Variants in MDFIC observed in about 807,000 individuals in gnomAD.
MDFIC encodes the protein myoD family inhibitor domain-containing protein.
A neutral mutation model predicts 23.2 loss-of-function variants in MDFIC; 17 were observed. That is an observed-to-expected ratio of 0.73 (90% CI 0.50 to 1.10). The LOEUF is 1.10. MDFIC is among the 50% of genes least tolerant of loss of function. The pLI, the probability that MDFIC is intolerant of heterozygous loss-of-function variation, is 0.00. For missense variants in MDFIC, 356 were observed against 316.6 expected, an observed-to-expected ratio of 1.12 and a Z score of -0.95; for synonymous variants, 120 against 115.2, an observed-to-expected ratio of 1.04 and a Z score of -0.27.
chr7:114,946,104 A>G (rs1016431902), intron 3 of MDFIC, among the ~76,000 whole-genome samples: 10 of 152,238 alleles, frequency 6.6e-5, no homozygotes, highest in African/African-American at 2.4e-4. Flanking sequence ...CGTAATATGC[A>G]TAAACTGATA....
chr7:114,966,206 T>G (rs892715439), intron 3 of MDFIC, among the ~76,000 whole-genome samples: 27 of 152,172 alleles, frequency 1.8e-4, no homozygotes, highest in Non-Finnish European at 7.3e-5. Flanking sequence ...TTATTTTTTG[T>G]AGCAAAATTA....
intron 4 of MDFIC, among the ~76,000 whole-genome samples, chr7:114,990,007 A>G (rs1452708984): frequency 1.3e-5 from 2 of 152,220 alleles, no homozygotes; most frequent in African/African-American, 4.8e-5. Flanking sequence ...TAAGAAGTAA[A>G]AACAAACATA....
At chr7:114,939,106 A>G (rs1792490817) in intron 2 of MDFIC, among the ~76,000 whole-genome samples, 1 of 152,206 alleles carries the variant, frequency 6.6e-6, no homozygotes, top group Admixed American at 6.5e-5. Flanking sequence ...CCCACCATTT[A>G]TGAGACTGCC....
chr7:114,965,628 A>C (rs925416336), intron 3 of MDFIC, among the ~76,000 whole-genome samples: 1 of 152,272 alleles, frequency 6.6e-6, no homozygotes, highest in Admixed American at 6.5e-5. Flanking sequence ...TGATTCAGTT[A>C]GTGACAGGTG....
intron 2 of MDFIC, among the ~76,000 whole-genome samples, chr7:114,936,618 G>T (rs974946379): frequency 6.6e-6 from 1 of 152,114 alleles, no homozygotes; most frequent in Non-Finnish European, 1.5e-5. Flanking sequence ...TTGTTCCCTT[G>T]TGAAGTAGCA....
At chr7:114,932,283 A>T (rs1792324116) in intron 2 of MDFIC, among the ~76,000 whole-genome samples, 1 of 152,176 alleles carries the variant, frequency 6.6e-6, no homozygotes, top group South Asian at 2.1e-4. Context: ...TTTTGATTGG[A>T]GGGTAAAGAG....
chr7:115,004,819 G>T (rs1791536799), intron 4 of MDFIC, among the ~76,000 whole-genome samples: 1 of 151,958 alleles, frequency 6.6e-6, no homozygotes, highest in African/African-American at 2.4e-5. Context: ...ATGGACCAGA[G>T]TACACAGTTT....
intron 2 of MDFIC, among the ~76,000 whole-genome samples, chr7:114,936,445 C>A (rs1792424954): frequency 6.6e-6 from 1 of 151,998 alleles, no homozygotes; most frequent in Non-Finnish European, 1.5e-5. Context: ...GGAAAAATAT[C>A]CCTCTTCAAT....
rs946946352 is a variant in MDFIC, at chr7:114,979,445, T to C, written c.218-61T>C. Reference sequence around the variant, plus strand: ...TCTCTGTTACTGAATGTATTTTCATTATTTTAAAATATTAATTTCTTTTTC... The same window carrying C: ...TCTCTGTTACTGAATGTATTTTCATCATTTTAAAATATTAATTTCTTTTTC... On this transcript the variant is annotated intron_variant, in intron 3 of 4. Coordinates refer to ENST00000393486, the MANE Select transcript of MDFIC (RefSeq NM_001166345.3). 6.9e-5 allele frequency: 101 copies of C among 1,474,314 alleles called. 1 individual carries two copies. Among genetic ancestry groups the C allele is most frequent in the Middle Eastern group, 2.0e-4 (1 of 5,026 alleles). The allele number at this position is 1,474,314 out of a possible 1,614,324, so 91.3% of individuals were successfully genotyped here. A position where few individuals can be genotyped will look rare whatever the true frequency, so the allele number is the denominator to read the frequency against.
intron 3 of MDFIC, among the ~76,000 whole-genome samples, chr7:114,959,065 A>G (rs557452818): frequency 2.6e-5 from 4 of 152,360 alleles, no homozygotes; most frequent in Admixed American, 2.0e-4. Context: ...TAATGTGCCA[A>G]AAGCACAAAT....
intron 3 of MDFIC, among the ~76,000 whole-genome samples, chr7:114,948,151 C>G (rs962149453): frequency 2.6e-5 from 4 of 152,086 alleles, no homozygotes; most frequent in Admixed American, 2.6e-4. Flanking sequence ...CTTTACCTAC[C>G]TTGCCTCTAT....
intron 4 of MDFIC, among the ~76,000 whole-genome samples, chr7:115,005,245 G>A (rs1476700226): frequency 2.0e-5 from 3 of 152,190 alleles, no homozygotes; most frequent in African/African-American, 4.8e-5. Context: ...CAGAAAGCTG[G>A]TTTTAAGTTT....
intron 3 of MDFIC, among the ~76,000 whole-genome samples, chr7:114,948,621 T>C (rs920353300): frequency 5.3e-5 from 8 of 152,154 alleles, no homozygotes; most frequent in African/African-American, 1.7e-4. Context: ...CTCTTTTCTT[T>C]TTTTCCTCTT....
At chr7:114,997,770 AAAG>A (rs1791366988) in intron 4 of MDFIC, among the ~76,000 whole-genome samples, 1 of 151,364 alleles carries the variant, frequency 6.6e-6, no homozygotes, top group Non-Finnish European at 1.5e-5. Flanking sequence ...AAAAAAAAGA[AAAG>A]AAAAGAAAAG....
At chr7:115,008,375 A>G (rs1791614356) in intron 4 of MDFIC, among the ~76,000 whole-genome samples, 1 of 151,938 alleles carries the variant, frequency 6.6e-6, no homozygotes, top group Admixed American at 6.6e-5. Context: ...CAATTTCCCA[A>G]AGTATGGTGT....
chr7:114,935,248 G>T (rs1397401494), intron 2 of MDFIC, among the ~76,000 whole-genome samples: 1 of 151,964 alleles, frequency 6.6e-6, no homozygotes, highest in Non-Finnish European at 1.5e-5. Context: ...AATACAAATT[G>T]CTTATCACCA....
At chr7:114,985,484 G>A (rs146898445) in intron 4 of MDFIC, among the ~76,000 whole-genome samples, 2 of 151,776 alleles carry the variant, frequency 1.3e-5, no homozygotes, top group Non-Finnish European at 2.9e-5. Context: ...CTCTCTCTCT[G>A]TGTGTGTGTG....
intron 3 of MDFIC, among the ~76,000 whole-genome samples, chr7:114,961,697 AG>A (rs1174563396): frequency 6.6e-6 from 1 of 152,198 alleles, no homozygotes; most frequent in African/African-American, 2.4e-5. Context: ...ACATGGCCAG[AG>A]CATGAGGAAG....
intron 3 of MDFIC, among the ~76,000 whole-genome samples, chr7:114,950,297 C>T (rs1338382863): frequency 2.6e-5 from 4 of 152,014 alleles, no homozygotes; most frequent in Non-Finnish European, 5.9e-5. Context: ...GGGATGTAGC[C>T]AGTAAGACAT....
Sources: gnomAD v4.1 joint callset for allele counts (sites outside exome capture counted in the v4.1 genomes callset) on GRCh38, gnomAD v4.1.1 for gene constraint, MANE v1.5 for transcripts, NCBI Gene and HGNC (gene_info 2026-07-23, HGNC 2026-07-21) for gene names.